The following KCNK10 variants were observed in gnomAD, a reference collection of about 807,000 sequenced individuals.
KCNK10 encodes potassium channel subfamily K member 10.
KCNK10 carries 25 observed loss-of-function variants against 47.7 expected under a neutral mutation model. That is an observed-to-expected ratio of 0.52 (90% CI 0.38 to 0.73). The LOEUF is 0.73. Ranked by LOEUF, KCNK10 falls within the 30% of genes least tolerant of loss-of-function variation. The pLI, the probability that KCNK10 is intolerant of heterozygous loss-of-function variation, is 0.00. For synonymous variants in KCNK10, 303 were observed against 285.6 expected (o/e 1.06, Z -0.61); for missense variants, 563 against 714.5 (o/e 0.79, Z 2.42).
chr14:88,285,703 A>T (rs903766240), intron 1 of KCNK10, among the ~76,000 whole-genome samples: 2 of 152,196 alleles, frequency 1.3e-5, no homozygotes, highest in South Asian at 4.1e-4. Context: ...AGAGATCCTG[A>T]TTTTAGAGTA....
chr14:88,266,072 T>C (rs1278164303), intron 1 of KCNK10, among the ~76,000 whole-genome samples: 1 of 152,096 alleles, frequency 6.6e-6, no homozygotes, highest in African/African-American at 2.4e-5. Flanking sequence ...TCCCATTAGA[T>C]TGAAAGCTCC....
chr14:88,278,895 A>G (rs1003719131), intron 1 of KCNK10, among the ~76,000 whole-genome samples: 10 of 152,214 alleles, frequency 6.6e-5, no homozygotes, highest in African/African-American at 2.4e-4. Context: ...CATGTCTGAG[A>G]GTTGTCTGCC....
rs555039665 is a variant in KCNK10, at chr14:88,247,282, C to T, written c.403-6462G>A. Among the ~76,000 whole-genome samples, 6 of 152,270 alleles carry T rather than the reference C, an allele frequency of 3.9e-5. No homozygotes were observed. In the South Asian group the frequency reaches 1.2e-3, roughly 32 times the overall value. On this transcript the variant is annotated intron_variant, in intron 2 of 6. Coordinates refer to ENST00000319231, the MANE Select transcript of KCNK10 (RefSeq NM_138317.3). ...GAAGGGAAGAGAATGCAGGCTGACG[C>T]ACGTGTGCCTTTACCTCCCACCCAG... is the stretch of plus-strand genomic sequence containing the variant.
chr14:88,269,467 T>C (rs1256059654), intron 1 of KCNK10, among the ~76,000 whole-genome samples: 1 of 152,222 alleles, frequency 6.6e-6, no homozygotes, highest in African/African-American at 2.4e-5. Context: ...AGACAGGATC[T>C]TGCTCTGTCA....
chr14:88,323,074 A>C lies in KCNK10; in HGVS notation c.-276T>G. The C allele has an allele frequency of 7.9e-7, 1 of 1,271,134 alleles. No homozygotes were observed. The highest frequency in any genetic ancestry group is 1.0e-6 in the Non-Finnish European group (1 of 999,874). 78.7% of individuals were successfully genotyped at this position (1,271,134 alleles called of 1,614,324 possible). A position where few individuals can be genotyped will look rare whatever the true frequency, so the allele number is the denominator to read the frequency against. ...GTAAGATCGGCGAGGGGTGGATGAA[A>C]GGATGGAGAGGAAGGCTTGGGGAGA... On this transcript the variant is annotated 5_prime_UTR_variant, in exon 1 of 7. Transcript: ENST00000319231.
intron 3 of KCNK10, among the ~76,000 whole-genome samples, chr14:88,234,390 C>T (rs1886238454): frequency 6.6e-6 from 1 of 152,162 alleles, no homozygotes; most frequent in South Asian, 2.1e-4. Context: ...TTCCTTCATC[C>T]AAAATGTTCT....
In KCNK10 at chr14:88,182,036, G is replaced by GCGCGCACACA. The variant is rs878911675; in HGVS notation, c.*3498_*3499insTGTGTGCGCG. The GCGCGCACACA allele has an allele frequency of 1.5e-5, 2 of 137,058 alleles. No individual in the cohort carries two copies. The highest frequency in any genetic ancestry group is 3.1e-5 in the Non-Finnish European group (2 of 63,722). The allele number at this position is 137,058 out of a possible 1,614,324, so 8.5% of individuals were successfully genotyped here. A position where few individuals can be genotyped will look rare whatever the true frequency, so the allele number is the denominator to read the frequency against. ...AGATGGCCCAACACCACCCCAACCCGCACACACACACACACACACACACAC... is the reference window on the plus strand; with the variant it reads ...AGATGGCCCAACACCACCCCAACCCGCGCGCACACACACACACACACACACACACACACAC... On this transcript the variant is annotated 3_prime_UTR_variant, in exon 7 of 7. Coordinates refer to ENST00000319231, the MANE Select transcript of KCNK10 (RefSeq NM_138317.3).
rs1451694724 is a variant in KCNK10 at position 88,187,973 on chromosome 14, T to C, written c.1005A>G (p.Lys335=). The change falls in exon 6 of 7, where the codon AAA becomes AAG. Residue 335 remains lysine, a synonymous_variant. Transcript: ENST00000319231. ...GGTTAGGAAGGGGTCCTACCTCTTCTTTTGTCTTTTTGGACAGAACCCGTA... is the reference window on the plus strand; with the variant it reads ...GGTTAGGAAGGGGTCCTACCTCTTCCTTTGTCTTTTTGGACAGAACCCGTA... ...DWLRVLSKKT[K]EEVGEIKAHA... 2 of 1,614,100 alleles carry C rather than the reference T, an allele frequency of 1.2e-6. No homozygotes were observed. Among genetic ancestry groups the C allele is most frequent in the Admixed American group, 3.3e-5 (2 of 60,020 alleles).
intron 3 of KCNK10, among the ~76,000 whole-genome samples, chr14:88,234,000 T>C (rs1274966471): frequency 1.3e-5 from 2 of 152,226 alleles, no homozygotes; most frequent in Non-Finnish European, 2.9e-5. Flanking sequence ...TTAATTGGTG[T>C]ACAATAGATC....
Position 88,181,021 on chromosome 14 carries a change from C to T in KCNK10, c.*4514G>A. The stretch of plus-strand genomic sequence containing the variant: ...GCATCCTAACAGTGAGAAAGAATAA[C>T]CCCATATTAGCAAAATGCAACAAGC... On this transcript the variant is annotated 3_prime_UTR_variant, in exon 7 of 7. Transcript: ENST00000319231. 5.1e-6 allele frequency: 2 copies of T among 394,230 alleles called. No homozygotes were observed. The highest frequency in any genetic ancestry group is 8.9e-6 in the Non-Finnish European group (2 of 223,712). The allele number at this position is 394,230 out of a possible 1,614,324, so 24.4% of individuals were successfully genotyped here. A position where few individuals can be genotyped will look rare whatever the true frequency, so the allele number is the denominator to read the frequency against.
At chr14:88,308,981 G>T (rs1024186865) in intron 1 of KCNK10, among the ~76,000 whole-genome samples, 1 of 152,192 alleles carries the variant, frequency 6.6e-6, no homozygotes, top group Non-Finnish European at 1.5e-5. Context: ...GCCTGAAACA[G>T]ATTTCTAAAA....
At position 88,180,762 on chromosome 14, in the gene KCNK10, G is replaced by C; in HGVS notation, c.*4773C>G. 2.5e-6 allele frequency: 1 copy of C among 398,730 alleles called. No homozygotes were observed. Among genetic ancestry groups the C allele is most frequent in the Admixed American group, 4.4e-5 (1 of 22,726 alleles). The allele number at this position is 398,730 out of a possible 1,614,324, so 24.7% of individuals were successfully genotyped here. A position where few individuals can be genotyped will look rare whatever the true frequency, so the allele number is the denominator to read the frequency against. On this transcript the variant is annotated 3_prime_UTR_variant, in exon 7 of 7. Coordinates refer to ENST00000319231, the MANE Select transcript of KCNK10 (RefSeq NM_138317.3). ...GCATGAGAGAACTGAGGTTTACATG[G>C]AGTATGGATGGGTTGGTGAAGTCCA...
At chr14:88,311,646 A>G (rs1888332407) in intron 1 of KCNK10, among the ~76,000 whole-genome samples, 1 of 152,216 alleles carries the variant, frequency 6.6e-6, no homozygotes, top group South Asian at 2.1e-4. Context: ...TATGTATACT[A>G]CAGGACTTAG....
At chr14:88,204,225 A>G (rs1885192936) in intron 4 of KCNK10, among the ~76,000 whole-genome samples, 2 of 152,308 alleles carry the variant, frequency 1.3e-5, no homozygotes, top group Non-Finnish European at 2.9e-5. Context: ...GCTCAAGAAC[A>G]TGGCAGAGGT....
chr14:88,213,384 C>T (rs116610363), intron 4 of KCNK10, among the ~76,000 whole-genome samples: 2,133 of 152,260 alleles, frequency 0.014, 30 homozygotes, highest in East Asian at 0.042. Flanking sequence ...AGGAACCAAA[C>T]TAACCTGTGA....
intron 4 of KCNK10, among the ~76,000 whole-genome samples, chr14:88,196,897 A>G (rs1186461093): frequency 1.3e-5 from 2 of 152,256 alleles, no homozygotes; most frequent in African/African-American, 4.8e-5. Flanking sequence ...TAATAATTTC[A>G]TCATCACAAT....
chr14:88,272,180 A>G (rs893891989), intron 1 of KCNK10, among the ~76,000 whole-genome samples: 2 of 152,166 alleles, frequency 1.3e-5, no homozygotes, highest in African/African-American at 4.8e-5. Flanking sequence ...TATTGGGAAG[A>G]TTTAACATAA....
At chr14:88,227,724 AC>A (rs1886033181) in intron 3 of KCNK10, among the ~76,000 whole-genome samples, 189 bp from the exon 4 acceptor site, 1 of 152,118 alleles carries the variant, frequency 6.6e-6, no homozygotes, top group South Asian at 2.1e-4. Flanking sequence ...CCCCTTATAA[AC>A]GGTTTTAAGG....
intron 5 of KCNK10, among the ~76,000 whole-genome samples, chr14:88,189,504 T>C (rs934064295): frequency 6.6e-6 from 1 of 152,152 alleles, no homozygotes; most frequent in East Asian, 1.9e-4. Flanking sequence ...CAAGTCACTA[T>C]TACCCAGCAA....
Sources: allele counts gnomAD v4.1 joint callset (sites outside exome capture counted in the v4.1 genomes callset), GRCh38; gene constraint gnomAD v4.1.1; transcripts MANE v1.5; gene names NCBI Gene and HGNC (gene_info 2026-07-23, HGNC 2026-07-21).